The following PDE4D variants were observed in gnomAD, a reference collection of about 807,000 sequenced individuals.
PDE4D encodes phosphodiesterase 4D.
PDE4D carries 24 observed loss-of-function variants against 87.4 expected under a neutral mutation model. That is an observed-to-expected ratio of 0.27 (90% CI 0.20 to 0.39). PDE4D has a LOEUF of 0.39. PDE4D is among the 10% of genes least tolerant of loss of function. The pLI is 1.00. For synonymous variants in PDE4D, 384 were observed against 383.2 expected (o/e 1.00, Z -0.02); for missense variants, 714 against 1,041.0 (o/e 0.69, Z 4.32).
chr5:59,387,604 C>T (rs1356319050), intron 1 of PDE4D, among the ~76,000 whole-genome samples: 1 of 151,994 alleles, frequency 6.6e-6, no homozygotes, highest in Non-Finnish European at 1.5e-5. Context: ...AAACCTCGTA[C>T]TGTCATGACT....
At chr5:59,094,471 A>C (rs1230272510) in intron 5 of PDE4D, among the ~76,000 whole-genome samples, 1 of 152,094 alleles carries the variant, frequency 6.6e-6, no homozygotes, top group Non-Finnish European at 1.5e-5. Context: ...AGAGGGCATA[A>C]AATTATCAAT....
intron 2 of PDE4D, among the ~76,000 whole-genome samples, chr5:59,996,545 A>G (rs1034629424): frequency 6.6e-6 from 1 of 152,188 alleles, no homozygotes; most frequent in Non-Finnish European, 1.5e-5. Flanking sequence ...TCCCCATGAA[A>G]TTGTTAATAA....
intron 2 of PDE4D, among the ~76,000 whole-genome samples, chr5:60,080,270 A>C (rs1248533348): frequency 1.3e-5 from 2 of 152,182 alleles, no homozygotes; most frequent in African/African-American, 4.8e-5. Context: ...ATCAGTTAAG[A>C]AATTTTGGGG....
intron 1 of PDE4D, among the ~76,000 whole-genome samples, chr5:59,698,981 C>A (rs1385026223): frequency 6.6e-6 from 1 of 152,150 alleles, no homozygotes; most frequent in East Asian, 1.9e-4. Flanking sequence ...AATTAGCTTG[C>A]TGGATTATGC....
intron 3 of PDE4D, among the ~76,000 whole-genome samples, chr5:59,937,737 G>A (rs988311872): frequency 6.6e-6 from 1 of 152,130 alleles, no homozygotes; most frequent in African/African-American, 2.4e-5. Flanking sequence ...TTGAATTTGG[G>A]GGGAACACAA....
At chr5:60,176,685 G>A (rs1276201566) in intron 2 of PDE4D, among the ~76,000 whole-genome samples, 4 of 152,090 alleles carry the variant, frequency 2.6e-5, no homozygotes, top group African/African-American at 9.7e-5. Context: ...GACACGAAAT[G>A]TTATTTTAAA....
rs1169595469 is a variant in PDE4D, at chr5:59,200,153, G to GTA, written c.648-6619_648-6618dup. Among the ~76,000 whole-genome samples the GTA allele has an allele frequency of 1.3e-4, 6 of 45,504 alleles. 1 individual carries two copies. The highest frequency in any genetic ancestry group is 2.9e-4 in the African/African-American group (6 of 20,646). 29.9% of individuals were successfully genotyped at this position (45,504 alleles called of 152,430 possible). On this transcript the variant is annotated intron_variant, in intron 2 of 14. Transcript: ENST00000340635. ...GACATACATGTATGTACACGTATATGTATATATAAGTATACACGTGTATGT... is the reference window on the plus strand; with the variant it reads ...GACATACATGTATGTACACGTATATGTATATATATAAGTATACACGTGTATGT...
chr5:59,503,695 C>A (rs1808724401), intron 1 of PDE4D, among the ~76,000 whole-genome samples: 1 of 152,100 alleles, frequency 6.6e-6, no homozygotes, highest in African/African-American at 2.4e-5. Flanking sequence ...TGGATTATGA[C>A]CTTTCAGTGA....
At chr5:59,083,733 T>C (rs1311151172) in intron 5 of PDE4D, among the ~76,000 whole-genome samples, 1 of 152,144 alleles carries the variant, frequency 6.6e-6, no homozygotes, top group Non-Finnish European at 1.5e-5. Context: ...AAGCAGAAGA[T>C]AAATTGTCTC....
intron 1 of PDE4D, among the ~76,000 whole-genome samples, chr5:59,603,330 G>T (rs1827771860): frequency 1.3e-5 from 2 of 151,804 alleles, no homozygotes; most frequent in African/African-American, 4.8e-5. Flanking sequence ...ATTGAAAAAT[G>T]GGCAAAGGAA....
intron 1 of PDE4D, among the ~76,000 whole-genome samples, chr5:60,191,727 T>C (rs1785213129): frequency 6.6e-6 from 1 of 152,160 alleles, no homozygotes; most frequent in Non-Finnish European, 1.5e-5. Flanking sequence ...CCAGGCACAG[T>C]GGCTCGTGCC....
At chr5:59,021,977 C>T (rs185298071) in intron 6 of PDE4D, among the ~76,000 whole-genome samples, 1 of 152,282 alleles carries the variant, frequency 6.6e-6, no homozygotes, top group African/African-American at 2.4e-5. Context: ...GATGGCTTGG[C>T]AGTTGGCCCA....
chr5:60,401,472 T>C (rs1741079027), intron 1 of PDE4D, among the ~76,000 whole-genome samples: 1 of 152,196 alleles, frequency 6.6e-6, no homozygotes, highest in African/African-American at 2.4e-5. Flanking sequence ...CTCTGGAGTG[T>C]GCACACCCTC....
chr5:59,705,796 T>G (rs1317744644), intron 1 of PDE4D, among the ~76,000 whole-genome samples: 1 of 152,170 alleles, frequency 6.6e-6, no homozygotes, highest in Non-Finnish European at 1.5e-5. Context: ...ATGCTTGACA[T>G]AGTAATCCAT....
At chr5:59,071,999 C>G (rs1025813564) in intron 5 of PDE4D, among the ~76,000 whole-genome samples, 1 of 152,072 alleles carries the variant, frequency 6.6e-6, no homozygotes, top group Non-Finnish European at 1.5e-5. Context: ...AACATCTGTA[C>G]TTTGAAGTTG....
At chr5:59,764,606 AT>A (rs141923724) in intron 1 of PDE4D, among the ~76,000 whole-genome samples, 3,865 of 151,580 alleles carry the variant, frequency 0.025, 187 homozygotes, top group African/African-American at 0.089. Flanking sequence ...AATATAGCAT[AT>A]AGAAATGAAA....
At chr5:59,658,632 C>T (rs1032156753) in intron 1 of PDE4D, among the ~76,000 whole-genome samples, 4 of 152,134 alleles carry the variant, frequency 2.6e-5, no homozygotes, top group African/African-American at 4.8e-5. Flanking sequence ...CCGCCTGCCT[C>T]GGCCTCCCAA....
intron 1 of PDE4D, among the ~76,000 whole-genome samples, chr5:59,343,254 A>G (rs1434050162): frequency 6.6e-6 from 1 of 152,126 alleles, no homozygotes; most frequent in African/African-American, 2.4e-5. Flanking sequence ...GTTGTACAGT[A>G]GATCTCTTGA....
intron 1 of PDE4D, among the ~76,000 whole-genome samples, chr5:59,806,024 C>A (rs1205353213): frequency 6.6e-6 from 1 of 152,170 alleles, no homozygotes; most frequent in Non-Finnish European, 1.5e-5. Context: ...CCCTCTTATC[C>A]TCCTTATCTC....
Sources: allele counts gnomAD v4.1 joint callset (sites outside exome capture counted in the v4.1 genomes callset), GRCh38; gene constraint gnomAD v4.1.1; transcripts MANE v1.5; gene names NCBI Gene and HGNC (gene_info 2026-07-23, HGNC 2026-07-21).